Variants in CROCC observed in about 807,000 individuals in gnomAD.
CROCC encodes rootletin.
Under a neutral mutation model 245.2 loss-of-function variants are expected in CROCC, and 180 were observed. That is an observed-to-expected ratio of 0.73 (90% CI 0.65 to 0.83). CROCC has a LOEUF of 0.83. Among genes scored for constraint, CROCC ranks in the 40% least tolerant of loss-of-function variants. The pLI, the probability that CROCC is intolerant of heterozygous loss-of-function variation, is 0.00. For missense variants in CROCC, 2,688 were observed against 2,779.4 expected (o/e 0.97, Z 0.74); for synonymous variants, 1,205 against 1,241.6 (o/e 0.97, Z 0.62).
chr1:16,939,240 A>G, intron 12 of CROCC, 98 bp downstream of exon 12: 1 of 1,075,682 alleles, frequency 9.3e-7, no homozygotes, highest in Non-Finnish European at 1.2e-6. Flanking sequence ...GTCCGGGGCC[A>G]GGGTCCGAGG....
intron 36 of CROCC, 40 bp from the exon 37 acceptor site, chr1:16,972,320 C>A: frequency 1.3e-6 from 2 of 1,531,360 alleles, no homozygotes; most frequent in Non-Finnish European, 1.8e-6. Context: ...TGAAGCCAGG[C>A]TGAGGACCTG....
chr1:16,921,859 T>C, upstream of CROCC: 1 of 707,742 alleles, frequency 1.4e-6, no homozygotes, highest in Non-Finnish European at 2.4e-6. Context: ...TCAGCCCACA[T>C]CCTGCTCCTC....
intron 26 of CROCC, among the ~76,000 whole-genome samples, chr1:16,959,754 C>T (rs1033494395): frequency 2.6e-5 from 4 of 152,120 alleles, no homozygotes; most frequent in African/African-American, 9.7e-5. Context: ...GCAATGTAGC[C>T]TAGTGGTTAA....
At chr1:16,957,147 C>T (rs776009266) in intron 25 of CROCC, among the ~76,000 whole-genome samples, 2 of 152,154 alleles carry the variant, frequency 1.3e-5, no homozygotes, top group Non-Finnish European at 2.9e-5. Context: ...ATGGCTCATG[C>T]CTTTAATCTC....
intron 3 of CROCC, among the ~76,000 whole-genome samples, chr1:16,928,662 G>A (rs531519350): frequency 6.6e-6 from 1 of 152,010 alleles, no homozygotes; most frequent in Non-Finnish European, 1.5e-5. Flanking sequence ...AATTAGCCAG[G>A]TGTGGTGGCG....
intron 17 of CROCC, among the ~76,000 whole-genome samples, chr1:16,947,730 C>G (rs549554876): frequency 6.6e-6 from 1 of 152,200 alleles, no homozygotes; most frequent in Non-Finnish European, 1.5e-5. Flanking sequence ...GCACTTGGGT[C>G]TGGTTTATAT....
intron 11 of CROCC, 141 bp from the exon 12 acceptor site, chr1:16,938,768 G>C (rs1570629862): frequency 1.1e-6 from 1 of 870,286 alleles, no homozygotes; most frequent in East Asian, 2.7e-5. Flanking sequence ...AGCTAGTGGA[G>C]GAGGTGAAAT....
At position 16,971,053 on chromosome 1, in the gene CROCC, T is replaced by A. The variant is rs1338983685; in HGVS notation, c.5784+286T>A. On this transcript the variant is annotated intron_variant, in intron 35 of 36. Transcript: ENST00000375541. ...ATTCTTGTGTATGGAGCATGAATCTTGTGCATGGTGTGGCGTGTCTAGGTA... is the reference window on the plus strand; with the variant it reads ...ATTCTTGTGTATGGAGCATGAATCTAGTGCATGGTGTGGCGTGTCTAGGTA... The A allele has an allele frequency of 9.0e-6, 4 of 446,794 alleles. No individual in the cohort carries two copies. The Admixed American group carries it at 1.2e-4, about 13-fold the overall frequency. 27.7% of individuals were successfully genotyped at this position (446,794 alleles called of 1,614,324 possible). A position where few individuals can be genotyped will look rare whatever the true frequency, so the allele number is the denominator to read the frequency against.
intron 8 of CROCC, 116 bp from the exon 9 acceptor site, chr1:16,936,521 G>A (rs1327564485): frequency 9.3e-7 from 1 of 1,071,464 alleles, no homozygotes; most frequent in Non-Finnish European, 1.3e-6. Flanking sequence ...TGCCCGCCTT[G>A]GCCTCCTGAA....
chr1:16,920,062 T>G (rs1289452774), upstream of CROCC, among the ~76,000 whole-genome samples: 7 of 148,198 alleles, frequency 4.7e-5, no homozygotes, highest in Non-Finnish European at 1.5e-5. Flanking sequence ...CCAGCTAATT[T>G]TTTTTATATT....
chr1:16,964,149 T>C (rs1315161768), intron 27 of CROCC, among the ~76,000 whole-genome samples: 1 of 150,486 alleles, frequency 6.6e-6, no homozygotes, highest in Non-Finnish European at 1.5e-5. Context: ...TTTTTTTTTT[T>C]TTTGAGACAG....
In CROCC at chr1:16,936,835, G is replaced by C; in HGVS notation, c.1155G>C (p.Gln385His). The C allele has an allele frequency of 6.2e-7, 1 of 1,612,354 alleles. No individual in the cohort carries two copies. The highest frequency in any genetic ancestry group is 2.2e-5 in the East Asian group (1 of 44,896). ...VLREKDLAQQ[Q>H]MQSDLDKADL... ...GCGAGAAGGACCTGGCGCAGCAGCA[G>C]ATGCAAAGCGACCTGGACAAGGCTG... is the stretch of plus-strand genomic sequence containing the variant. Residue 385 changes from glutamine to histidine, a missense_variant, in exon 9 of 37, where the codon CAG becomes CAC. Around this residue, in one of 9 missense-constraint regions of CROCC, gnomAD observed 972 missense variants for 895.3 expected, o/e 1.09. Transcript: ENST00000375541.
chr1:16,969,920 C>T lies in CROCC; in HGVS notation c.5437C>T (p.Gln1813Ter). The T allele has an allele frequency of 6.3e-7, 1 of 1,599,308 alleles. No individual in the cohort carries two copies. Among genetic ancestry groups the T allele is most frequent in the Non-Finnish European group, 8.5e-7 (1 of 1,172,436 alleles). The part of the protein sequence containing the change: ...LQRVEAEGQL[Q>*]QLREVLRQRQ... ...GCGGGTGGAGGCCGAGGGCCAGCTA[C>T]AACAGCTACGGGAGGTGAGGGCCAG... is the stretch of plus-strand genomic sequence containing the variant. The change falls in exon 33 of 37, where the codon CAA (glutamine) becomes TAA (stop). Residue 1813 changes from glutamine to a stop codon, truncating the protein, a stop_gained. Coordinates refer to ENST00000375541, the MANE Select transcript of CROCC (RefSeq NM_014675.5). LOFTEE classifies it high-confidence loss of function.
chr1:16,938,908 G>C lies in CROCC; in HGVS notation c.1375-1G>C. ...CTTCTGCCTCCCTCCCCCACCCTCA[G>C]GCCGTCTTGTCAGACTCTGAGAGCG... On this transcript the variant is annotated splice_acceptor_variant, in intron 11 of 36. Transcript: ENST00000375541. LOFTEE classifies it high-confidence loss of function. 4 of 1,604,206 alleles carry C rather than the reference G, an allele frequency of 2.5e-6. No homozygotes were observed. Among genetic ancestry groups the C allele is most frequent in the Non-Finnish European group, 2.5e-6 (3 of 1,177,246 alleles).
chr1:16,917,409 C>T (rs1433095813), upstream of CROCC, among the ~76,000 whole-genome samples: 2 of 152,228 alleles, frequency 1.3e-5, no homozygotes, highest in Non-Finnish European at 2.9e-5. Context: ...ATAAGAGCAG[C>T]TGCTATGTTT....
rs1388676784 is a variant in CROCC at position 16,954,576 on chromosome 1, A to G, written c.3322-158A>G. Among the ~76,000 whole-genome samples the G allele has an allele frequency of 6.6e-6, 1 of 152,212 alleles. No homozygotes were observed. Among genetic ancestry groups the G allele is most frequent in the Admixed American group, 6.5e-5 (1 of 15,290 alleles). On this transcript the variant is annotated intron_variant, in intron 22 of 36. Coordinates refer to ENST00000375541, the MANE Select transcript of CROCC (RefSeq NM_014675.5). The surrounding 1 kb of genome is among the most constrained non-coding windows in gnomAD (Gnocchi z 4.4). ...TGAGGGAGAGGCTGGCTACACGGGC[A>G]GCACTCACTATGCATCCAGGGGTTG...
At chr1:16,916,910 G>T (rs1482998996) in intron 1 of CROCC, among the ~76,000 whole-genome samples, 2 of 152,286 alleles carry the variant, frequency 1.3e-5, no homozygotes, top group Admixed American at 1.3e-4. Flanking sequence ...TTGAGGTCAG[G>T]AGTTTGAGAC....
chr1:16,935,923 C>T (rs1453046844), intron 8 of CROCC, among the ~76,000 whole-genome samples: 6 of 152,384 alleles, frequency 3.9e-5, no homozygotes, highest in African/African-American at 9.6e-5. Context: ...GAGGAGGAGC[C>T]GGTGGGGAAG....
Position 16,966,529 on chromosome 1 carries a change from G to C in CROCC, c.4818G>C (p.Glu1606Asp). The C allele has an allele frequency of 6.6e-7, 1 of 1,516,688 alleles. No homozygotes were observed. The highest frequency in any genetic ancestry group is 1.2e-5 in the South Asian group (1 of 82,676). 94.0% of individuals were successfully genotyped at this position (1,516,688 alleles called of 1,614,324 possible). A position where few individuals can be genotyped will look rare whatever the true frequency, so the allele number is the denominator to read the frequency against. ...CGCTGGACCAGGTGGCCACACTGGA[G>C]AGGAGCCTGCAGGCCACCGAGAGCG... ...RATLDQVATLERSLQATESEL... is the reference protein window; with the variant it reads ...RATLDQVATLDRSLQATESEL... The change falls in exon 30 of 37, where the codon GAG becomes GAC. Residue 1606 changes from glutamate (E) to aspartate (D), a missense_variant. Glu to Asp is a conservative substitution (Grantham distance 45). Coordinates refer to ENST00000375541, the MANE Select transcript of CROCC (RefSeq NM_014675.5). The surrounding 1 kb of genome is among the most constrained non-coding windows in gnomAD (Gnocchi z 4.8).
Sources: allele counts gnomAD v4.1 joint callset (sites outside exome capture counted in the v4.1 genomes callset), GRCh38; gene constraint gnomAD v4.1.1; regional missense constraint gnomAD v4.1.1; non-coding constraint Gnocchi (gnomAD v3.1); transcripts MANE v1.5; gene names NCBI Gene and HGNC (gene_info 2026-07-23, HGNC 2026-07-21).